Variants in CPOX observed in about 807,000 individuals in gnomAD.
CPOX encodes oxygen-dependent coproporphyrinogen-III oxidase, mitochondrial.
Under a neutral mutation model 48.9 loss-of-function variants are expected in CPOX, and 24 were observed. That is an observed-to-expected ratio of 0.49 (90% CI 0.36 to 0.69). The LOEUF is 0.69. Among genes scored for constraint, CPOX ranks in the 30% least tolerant of loss-of-function variants. CPOX has a pLI of 0.00. For missense variants in CPOX, 549 were observed against 597.3 expected, an observed-to-expected ratio of 0.92 and a Z score of 0.84; for synonymous variants, 249 against 234.6, an observed-to-expected ratio of 1.06 and a Z score of -0.56.
At chr3:98,585,747 T>A in intron 4 of CPOX, 88 bp from the exon 5 acceptor site, 3 of 1,002,232 alleles carry the variant, frequency 3.0e-6, no homozygotes, top group Non-Finnish European at 3.2e-6. Context: ...TACAGCACTA[T>A]CCTCAACTAA....
At chr3:98,590,776 C>T (rs973949584) in intron 2 of CPOX, 34 bp from the exon 3 acceptor site, 1 of 1,465,194 alleles carries the variant, frequency 6.8e-7, no homozygotes, top group African/African-American at 1.4e-5. Flanking sequence ...GAGCTATATT[C>T]AGTTACCTTG....
chr3:98,590,001 T>C (rs550846990), intron 3 of CPOX, among the ~76,000 whole-genome samples: 3 of 152,382 alleles, frequency 2.0e-5, no homozygotes, highest in South Asian at 2.1e-4. Flanking sequence ...AATTTCAATT[T>C]AACCTCGTAC....
At position 98,580,888 on chromosome 3, in the gene CPOX, C is replaced by T. The variant is rs569765092; in HGVS notation, c.1278-118G>A. 2.6e-4 allele frequency: 326 copies of T among 1,232,228 alleles called. 5 individuals carry two copies. The African/African-American group carries it at 4.8e-3, about 18-fold the overall frequency. 76.3% of individuals were successfully genotyped at this position (1,232,228 alleles called of 1,614,324 possible). A position where few individuals can be genotyped will look rare whatever the true frequency, so the allele number is the denominator to read the frequency against. On this transcript the variant is annotated intron_variant, in intron 6 of 6. Coordinates refer to ENST00000647941, the MANE Select transcript of CPOX (RefSeq NM_000097.7). Reference sequence around the variant, plus strand: ...TAAAAAAAAAAAAAGCCTTATACTTCTTTGTCTCTACTGTGCCTGATGTGC... The same window carrying T: ...TAAAAAAAAAAAAAGCCTTATACTTTTTTGTCTCTACTGTGCCTGATGTGC...
chr3:98,576,525 C>T (rs754118466), downstream of CPOX, among the ~76,000 whole-genome samples: 5 of 152,154 alleles, frequency 3.3e-5, no homozygotes, highest in Non-Finnish European at 5.9e-5. Context: ...TGTTGTACAA[C>T]TTATGACTTG....
rs576244574 is a variant in CPOX, at chr3:98,579,868, C to T, written c.*815G>A. The T allele has an allele frequency of 2.0e-6, 2 of 985,174 alleles. No individual in the cohort carries two copies. The highest frequency in any genetic ancestry group is 4.7e-5 in the South Asian group (1 of 21,260). 61.0% of individuals were successfully genotyped at this position (985,174 alleles called of 1,614,324 possible). A position where few individuals can be genotyped will look rare whatever the true frequency, so the allele number is the denominator to read the frequency against. On this transcript the variant is annotated 3_prime_UTR_variant, in exon 7 of 7. Coordinates refer to ENST00000647941, the MANE Select transcript of CPOX (RefSeq NM_000097.7). ...GAAACATTGCCTAAATTCATGACAT[C>T]CCTAGGATTATTCTTAGTCTCAACT...
downstream of CPOX, among the ~76,000 whole-genome samples, chr3:98,577,675 A>G (rs1707182499): frequency 6.6e-6 from 1 of 152,208 alleles, no homozygotes; most frequent in Admixed American, 6.5e-5. Context: ...AAGTGACACT[A>G]CATAACCTCA....
Position 98,591,159 on chromosome 3 carries a change from TG to T in CPOX, c.557-5del. On this transcript the variant is annotated splice_region_variant and splice_polypyrimidine_tract_variant and intron_variant, in intron 1 of 6. Coordinates refer to ENST00000647941, the MANE Select transcript of CPOX (RefSeq NM_000097.7). ...ACACAGCTGATGCCGCCACCTCCTG[TG>T]TATAGAAATGTAAAAAAGGAGAGAA... The T allele has an allele frequency of 6.2e-7, 1 of 1,614,150 alleles. No individual in the cohort carries two copies. The highest frequency in any genetic ancestry group is 8.5e-7 in the Non-Finnish European group (1 of 1,180,014).
intron 1 of CPOX, among the ~76,000 whole-genome samples, chr3:98,592,122 G>A (rs4857405): frequency 0.41 from 62,346 of 151,880 alleles, 15,333 homozygotes; most frequent in South Asian, 0.54. Flanking sequence ...TTGAGGTTGT[G>A]TCCTGGTTCA....
In CPOX at chr3:98,590,348, C is replaced by T. The variant is rs745997087; in HGVS notation, c.811+284G>A. ...ATTTTTAGTAGAGAGGAGATTTCACCATGTTGGCCAGGCTGGTCTCAAACT... is the reference window on the plus strand; with the variant it reads ...ATTTTTAGTAGAGAGGAGATTTCACTATGTTGGCCAGGCTGGTCTCAAACT... On this transcript the variant is annotated intron_variant, in intron 3 of 6. Coordinates refer to ENST00000647941, the MANE Select transcript of CPOX (RefSeq NM_000097.7). 5.3e-5 allele frequency among the ~76,000 whole-genome samples: 8 copies of T among 152,308 alleles called. No homozygotes were observed. The Middle Eastern group carries it at 0.017, about 324-fold the overall frequency.
chr3:98,592,949 C>G lies in CPOX; in HGVS notation c.556G>C (p.Gly186Arg). The change falls in exon 1 of 7, where the codon GGA becomes CGA. Residue 186 changes from glycine to arginine, a missense_variant and splice_region_variant. Gly to Arg is a moderately radical substitution (Grantham distance 125). Coordinates refer to ENST00000647941, the MANE Select transcript of CPOX (RefSeq NM_000097.7). ...TCCCGCCAGGGGCCGGCCTCCTTACCTTCCTTCCTCTCCCACCGGTCCACA... is the reference window on the plus strand; with the variant it reads ...TCCCGCCAGGGGCCGGCCTCCTTACGTTCCTTCCTCTCCCACCGGTCCACA... ...FSVDRWERKE[G>R]GGGISCVLQD... 2.5e-6 allele frequency: 4 copies of G among 1,611,858 alleles called. No individual in the cohort carries two copies. Among genetic ancestry groups the G allele is most frequent in the Non-Finnish European group, 3.4e-6 (4 of 1,179,254 alleles).
intron 1 of CPOX, among the ~76,000 whole-genome samples, chr3:98,591,979 A>G (rs1461110031): frequency 1.0e-5 from 1 of 96,996 alleles, no homozygotes; most frequent in African/African-American, 4.9e-5. Flanking sequence ...ATATATATAT[A>G]TATATGTATA....
At chr3:98,576,879 A>G (rs1343376378), downstream of CPOX, among the ~76,000 whole-genome samples, 1 of 152,220 alleles carries the variant, frequency 6.6e-6, no homozygotes, top group Non-Finnish European at 1.5e-5. Context: ...AAAGGTTAAC[A>G]CATCATTCAT....
At position 98,591,100 on chromosome 3, in the gene CPOX, C is replaced by A. The variant is rs149384011; in HGVS notation, c.612G>T (p.Gly204=). The A allele has an allele frequency of 6.2e-7, 1 of 1,614,030 alleles. No individual in the cohort carries two copies. The highest frequency in any genetic ancestry group is 1.3e-5 in the African/African-American group (1 of 75,012). ...LQDGCVFEKA[G]VSISVVHGNL... ...TTCCATGAACAACAGAAATGCTCACCCCAGCCTTTTCGAAAACACACCCAT... is the reference window on the plus strand; with the variant it reads ...TTCCATGAACAACAGAAATGCTCACACCAGCCTTTTCGAAAACACACCCAT... The change falls in exon 2 of 7, where the codon GGG becomes GGT. Residue 204 remains glycine (G), a synonymous_variant. Transcript: ENST00000647941.
chr3:98,585,939 C>T, intron 4 of CPOX: 3 of 374,980 alleles, frequency 8.0e-6, no homozygotes, highest in Non-Finnish European at 5.1e-6. Context: ...GTGGTGCGAT[C>T]TTGAATCACT....
chr3:98,579,229 A>G (rs1707205763), downstream of CPOX, among the ~76,000 whole-genome samples: 1 of 152,196 alleles, frequency 6.6e-6, no homozygotes, highest in South Asian at 2.1e-4. Context: ...AACATAAAAC[A>G]TGTGCGAATT....
chr3:98,593,402 G>A lies in CPOX; in HGVS notation c.103C>T (p.Leu35Phe), dbSNP rs779185544. 16 of 1,424,398 alleles carry A rather than the reference G, an allele frequency of 1.1e-5. No homozygotes were observed. Among genetic ancestry groups the A allele is most frequent in the Non-Finnish European group, 1.5e-5 (16 of 1,098,230 alleles). 88.2% of individuals were successfully genotyped at this position (1,424,398 alleles called of 1,614,324 possible). The change falls in exon 1 of 7, where the codon CTC becomes TTC. Residue 35 changes from leucine (L) to phenylalanine (F), a missense_variant. Around this residue, in one of 2 missense-constraint regions of CPOX, gnomAD observed 336 missense variants for 318.1 expected, o/e 1.06. Coordinates refer to ENST00000647941, the MANE Select transcript of CPOX (RefSeq NM_000097.7). ...RAWSQCGGGG[L>F]RAWSQRSAAG... Reference sequence around the variant, plus strand: ...GCGCTGCGCTGGGACCAGGCTCGGAGCCCTCCGCCGCCGCACTGGGACCAG... The same window carrying A: ...GCGCTGCGCTGGGACCAGGCTCGGAACCCTCCGCCGCCGCACTGGGACCAG...
At chr3:98,576,023 G>A (rs191082697), downstream of CPOX, among the ~76,000 whole-genome samples, 50 of 132,770 alleles carry the variant, frequency 3.8e-4, no homozygotes, top group East Asian at 9.4e-3. Flanking sequence ...GGTGAGCCAG[G>A]ATCGCACCAT....
chr3:98,571,567 AGTCCCAGCTACT>A, the CPOX span, among the ~76,000 whole-genome samples: 1 of 150,198 alleles, frequency 6.7e-6, no homozygotes, highest in African/African-American at 2.4e-5. Context: ...GGGCGCCTGT[AGTCCCAGCTACT>A]TGGGAGGCTG....
chr3:98,584,268 A>G (rs1316523174), intron 5 of CPOX, among the ~76,000 whole-genome samples: 2 of 152,202 alleles, frequency 1.3e-5, no homozygotes, highest in Non-Finnish European at 1.5e-5. Flanking sequence ...TGGCAGGTCC[A>G]TGTTACAGCC....
Sources: allele counts gnomAD v4.1 joint callset (sites outside exome capture counted in the v4.1 genomes callset), GRCh38; gene constraint gnomAD v4.1.1; regional missense constraint gnomAD v4.1.1; transcripts MANE v1.5; gene names NCBI Gene and HGNC (gene_info 2026-07-23, HGNC 2026-07-21).